The following ADGRF5 variants were observed in gnomAD, a reference collection of about 807,000 sequenced individuals.
ADGRF5 encodes G-protein coupled receptor 116.
A neutral mutation model predicts 132.3 loss-of-function variants in ADGRF5; 75 were observed. The observed-to-expected ratio is 0.57, with a 90% CI of 0.47 to 0.69. The LOEUF is 0.69. Among genes scored for constraint, ADGRF5 ranks in the 30% least tolerant of loss-of-function variants. The probability of loss-of-function intolerance (pLI) is 0.00; values close to 1 mark genes in which losing one functional copy is unlikely to be tolerated. For missense variants in ADGRF5, 1,516 were observed against 1,630.6 expected, an observed-to-expected ratio of 0.93 and a Z score of 1.21; for synonymous variants, 629 against 597.6, an observed-to-expected ratio of 1.05 and a Z score of -0.77.
intron 2 of ADGRF5, among the ~76,000 whole-genome samples, chr6:46,900,638 G>A (rs1019194632): frequency 6.4e-4 from 98 of 152,296 alleles, no homozygotes; most frequent in African/African-American, 2.1e-3. Context: ...CTGCTCTAGA[G>A]TCAGACTGCC....
intron 10 of ADGRF5, among the ~76,000 whole-genome samples, chr6:46,877,289 T>TTCTTTCTTTCTTTCTTTC (rs1395354122): frequency 1.5e-5 from 1 of 68,068 alleles, no homozygotes; most frequent in African/African-American, 5.5e-5. Context: ...CTTTCTTTCT[T>TTCTTTCTTTCTTTCTTTC]TCTCTCTCTC....
chr6:46,880,868 T>G (rs1581825916), intron 8 of ADGRF5, among the ~76,000 whole-genome samples: 1 of 151,404 alleles, frequency 6.6e-6, no homozygotes, highest in Admixed American at 6.6e-5. Context: ...AGGTGGGAGG[T>G]TTGCTTGGGG....
intron 10 of ADGRF5, among the ~76,000 whole-genome samples, chr6:46,877,361 CTTTCTTTCTTTCTTTCTTTCTTTCTTCT>C (rs1771918226): frequency 2.0e-5 from 1 of 51,172 alleles, no homozygotes; most frequent in Non-Finnish European, 4.2e-5. Context: ...TTCTTTCTTT[CTTTCTTTCTTTCTTTCTTTCTTTCTTCT>C]TTCTTTTTTT....
intron 3 of ADGRF5, among the ~76,000 whole-genome samples, chr6:46,891,636 T>A (rs946750473): frequency 2.0e-4 from 31 of 152,212 alleles, no homozygotes; most frequent in Admixed American, 1.1e-3. Flanking sequence ...TATCAATGCC[T>A]GCCTGAGGGT....
chr6:46,886,893 A>T (rs587976), intron 4 of ADGRF5: 137,541 of 152,212 alleles, frequency 0.9, 62,345 homozygotes, highest in African/African-American at 0.97. Flanking sequence ...TGTTTCATAG[A>T]TCACTATCAG....
intron 20 of ADGRF5, chr6:46,854,624 C>T: frequency 1.4e-6 from 1 of 695,838 alleles, no homozygotes; most frequent in South Asian, 1.4e-5. Flanking sequence ...AGCAACTGCA[C>T]AGGCTTGTCT....
chr6:46,943,155 A>G (rs1561840188), intron 1 of ADGRF5, among the ~76,000 whole-genome samples: 1 of 152,128 alleles, frequency 6.6e-6, no homozygotes, highest in Non-Finnish European at 1.5e-5. Context: ...CACATACAAA[A>G]AAAAAAACAA....
At chr6:46,863,189 A>G (rs1186133086) in intron 14 of ADGRF5, 93 bp from the exon 15 acceptor site, 1 of 949,286 alleles carries the variant, frequency 1.1e-6, no homozygotes, top group South Asian at 1.4e-5. Flanking sequence ...TTGATGTTTG[A>G]ATTCACATTT....
In ADGRF5 at chr6:46,859,500, G is replaced by A. The variant is rs200056704; in HGVS notation, c.2403C>T (p.Val801=). ...TGTTCAAGACGGGCTTGCCAAGGAT[G>A]ACATTAACCGTAGAGAGCACGTGCT... is the stretch of plus-strand genomic sequence containing the variant. ...MMTHVLSTVN[V]ILGKPVLNTW... The change falls in exon 17 of 21, where the codon GTC becomes GTT. Residue 801 remains valine (V), a synonymous_variant. Coordinates refer to ENST00000283296, the MANE Select transcript of ADGRF5 (RefSeq NM_001098518.2). 116 of 1,611,712 alleles carry A rather than the reference G, an allele frequency of 7.2e-5. No individual in the cohort carries two copies. Among genetic ancestry groups the A allele is most frequent in the Non-Finnish European group, 9.6e-5 (113 of 1,178,448 alleles).
At chr6:46,866,794 A>G in intron 13 of ADGRF5, 131 bp downstream of exon 13, 1 of 605,290 alleles carries the variant, frequency 1.7e-6, no homozygotes. Context: ...ACAAAGATTC[A>G]TGGGATTCTA....
intron 6 of ADGRF5, 127 bp downstream of exon 6, chr6:46,883,432 T>G: frequency 1.6e-6 from 1 of 636,470 alleles, no homozygotes; most frequent in South Asian, 2.0e-5. Flanking sequence ...CCATCTCAGA[T>G]GTAAAAGAAT....
intron 3 of ADGRF5, among the ~76,000 whole-genome samples, chr6:46,891,433 A>G (rs1355447681): frequency 6.6e-6 from 1 of 152,230 alleles, no homozygotes; most frequent in Non-Finnish European, 1.5e-5. Context: ...GTAATGCAGC[A>G]ACGTTTATAT....
intron 1 of ADGRF5, among the ~76,000 whole-genome samples, 168 bp downstream of exon 1, chr6:46,921,545 T>G (rs1233811356): frequency 6.6e-6 from 1 of 152,186 alleles, no homozygotes; most frequent in South Asian, 2.1e-4. Context: ...TGCTCTTGAC[T>G]GGACATACTT....
At chr6:46,933,123 G>A (rs926255920) in intron 1 of ADGRF5, among the ~76,000 whole-genome samples, 3 of 152,196 alleles carry the variant, frequency 2.0e-5, no homozygotes, top group African/African-American at 7.2e-5. Flanking sequence ...AAGGAAGAAT[G>A]TGCCTCTTAA....
At chr6:46,855,806 C>G (rs1485249496) in intron 20 of ADGRF5, among the ~76,000 whole-genome samples, 168 bp downstream of exon 20, 3 of 152,186 alleles carry the variant, frequency 2.0e-5, no homozygotes, top group Non-Finnish European at 2.9e-5. Context: ...TCTGTACCCA[C>G]TTTTTGGTGA....
Position 46,879,948 on chromosome 6 carries a change from C to T in ADGRF5, c.906G>A (p.Val302=). ...ACTGCTGTTCTTCATAGCGCCAAGA[C>T]ACATTGGAGGACAAAACTTCCTTTT... ...VCEKEVLSSN[V]SWRYEEQQLE... Residue 302 remains valine (V), a synonymous_variant, in exon 9 of 21, where the codon GTG becomes GTA. Transcript: ENST00000283296. 2 of 1,613,988 alleles carry T rather than the reference C, an allele frequency of 1.2e-6. No homozygotes were observed. The highest frequency in any genetic ancestry group is 4.5e-5 in the East Asian group (2 of 44,868).
chr6:46,901,943 G>A (rs1774815455), intron 2 of ADGRF5, among the ~76,000 whole-genome samples: 2 of 152,178 alleles, frequency 1.3e-5, no homozygotes, highest in African/African-American at 4.8e-5. Context: ...GATGCCCTTA[G>A]GAGGTACTGG....
At chr6:46,951,720 T>G (rs1778506541) in intron 1 of ADGRF5, among the ~76,000 whole-genome samples, 1 of 152,192 alleles carries the variant, frequency 6.6e-6, no homozygotes, top group Admixed American at 6.5e-5. Flanking sequence ...CTTTCCTCCC[T>G]CCTCATCTAA....
At chr6:46,885,208 A>G (rs1479829195) in intron 4 of ADGRF5, among the ~76,000 whole-genome samples, 1 of 149,894 alleles carries the variant, frequency 6.7e-6, no homozygotes, top group African/African-American at 2.4e-5. Flanking sequence ...AAAAAAAAAA[A>G]AAAGAAAAAG....
Sources: allele counts gnomAD v4.1 joint callset (sites outside exome capture counted in the v4.1 genomes callset), GRCh38; gene constraint gnomAD v4.1.1; transcripts MANE v1.5; gene names NCBI Gene and HGNC (gene_info 2026-07-23, HGNC 2026-07-21).